Variants in ADGRB3 observed in about 807,000 individuals in gnomAD.
The protein encoded by ADGRB3 is brain-specific angiogenesis inhibitor 3.
Under a neutral mutation model 193.4 loss-of-function variants are expected in ADGRB3, and 37 were observed. The observed-to-expected ratio is 0.19, with a 90% CI of 0.15 to 0.25. The LOEUF (loss-of-function observed/expected upper bound fraction) is 0.25. Ranked by LOEUF, ADGRB3 falls within the 10% of genes least tolerant of loss-of-function variation. The probability of loss-of-function intolerance (pLI) is 1.00; values close to 1 mark genes in which losing one functional copy is unlikely to be tolerated. For missense variants in ADGRB3, 1,637 were observed against 1,852.9 expected, an observed-to-expected ratio of 0.88 and a Z score of 2.14; for synonymous variants, 690 against 644.2, an observed-to-expected ratio of 1.07 and a Z score of -1.08.
At chr6:69,047,486 T>C (rs1448219385) in intron 13 of ADGRB3, among the ~76,000 whole-genome samples, 3 of 151,286 alleles carry the variant, frequency 2.0e-5, no homozygotes, top group Admixed American at 2.0e-4. Flanking sequence ...TTTATTGGTA[T>C]TAAGGACACA....
intron 3 of ADGRB3, among the ~76,000 whole-genome samples, chr6:68,777,425 T>G (rs747690743): frequency 7.2e-5 from 11 of 152,066 alleles, no homozygotes; most frequent in Non-Finnish European, 1.5e-4. Context: ...GCTGTGAATA[T>G]CTCTATACTT....
chr6:68,738,480 C>G (rs1381346573), intron 3 of ADGRB3, among the ~76,000 whole-genome samples: 1 of 152,034 alleles, frequency 6.6e-6, no homozygotes, highest in East Asian at 1.9e-4. Flanking sequence ...GAGGCTATTT[C>G]TATAACCTAG....
At chr6:69,359,790 C>T (rs1449826499) in intron 28 of ADGRB3, among the ~76,000 whole-genome samples, 1 of 151,878 alleles carries the variant, frequency 6.6e-6, no homozygotes, top group East Asian at 1.9e-4. Flanking sequence ...GGTAGGTTAG[C>T]ACCAGATGTG....
intron 17 of ADGRB3, among the ~76,000 whole-genome samples, chr6:69,109,218 A>G (rs1361333198): frequency 1.3e-5 from 2 of 152,186 alleles, no homozygotes; most frequent in African/African-American, 4.8e-5. Flanking sequence ...TTTCTTTTGA[A>G]ATTATAGCTC....
chr6:69,314,610 G>C (rs769722430), intron 20 of ADGRB3, among the ~76,000 whole-genome samples: 8 of 151,544 alleles, frequency 5.3e-5, no homozygotes, highest in Non-Finnish European at 1.2e-4. Flanking sequence ...GATGAACCAA[G>C]AGTTTTCAAG....
chr6:68,936,750 G>A lies in ADGRB3; in HGVS notation c.1030+70G>A, dbSNP rs1188344470. 8 of 1,496,628 alleles carry A rather than the reference G, an allele frequency of 5.3e-6. No homozygotes were observed. The East Asian group carries it at 1.9e-4, about 35-fold the overall frequency. 92.7% of individuals were successfully genotyped at this position (1,496,628 alleles called of 1,614,324 possible). A position where few individuals can be genotyped will look rare whatever the true frequency, so the allele number is the denominator to read the frequency against. ...TCATGCTACGCATTTGGAACGATTT[G>A]TTATTTTCATATGAAACGGGTATAG... On this transcript the variant is annotated intron_variant, in intron 5 of 31. Transcript: ENST00000370598.
At chr6:69,280,854 T>A (rs77394833) in intron 20 of ADGRB3, among the ~76,000 whole-genome samples, 19,389 of 151,494 alleles carry the variant, frequency 0.13, 1,364 homozygotes, top group Middle Eastern at 0.22. Flanking sequence ...TACAAAAAAA[T>A]ATATATATAT....
chr6:69,322,093 T>G (rs1438164918), intron 20 of ADGRB3, among the ~76,000 whole-genome samples: 2 of 151,902 alleles, frequency 1.3e-5, no homozygotes, highest in East Asian at 1.9e-4. Flanking sequence ...CACTTATAAG[T>G]GAAAACATGC....
intron 3 of ADGRB3, among the ~76,000 whole-genome samples, chr6:68,848,490 A>T (rs185500059): frequency 7.8e-4 from 118 of 152,190 alleles, no homozygotes; most frequent in Non-Finnish European, 1.4e-3. Flanking sequence ...GTGAAAAGTC[A>T]TACAAAAAGC....
At chr6:69,325,323 G>A (rs1304597583) in intron 21 of ADGRB3, among the ~76,000 whole-genome samples, 1 of 152,010 alleles carries the variant, frequency 6.6e-6, no homozygotes, top group Non-Finnish European at 1.5e-5. Flanking sequence ...TTTTCTGAAA[G>A]TGCAAAATAC....
intron 17 of ADGRB3, among the ~76,000 whole-genome samples, chr6:69,119,349 G>T (rs536484274): frequency 6.6e-6 from 1 of 152,092 alleles, no homozygotes; most frequent in Non-Finnish European, 1.5e-5. Flanking sequence ...TAGGAGTTTG[G>T]AATACATCAG....
intron 3 of ADGRB3, among the ~76,000 whole-genome samples, chr6:68,842,573 C>G (rs1488399135): frequency 6.6e-6 from 1 of 151,888 alleles, no homozygotes; most frequent in African/African-American, 2.4e-5. Flanking sequence ...TTCATTACTG[C>G]ATTTTACAAA....
intron 3 of ADGRB3, among the ~76,000 whole-genome samples, chr6:68,671,098 A>G (rs1382454302): frequency 6.6e-6 from 1 of 151,988 alleles, no homozygotes; most frequent in African/African-American, 2.4e-5. Flanking sequence ...TAAATTTTGT[A>G]TGTTGATGTT....
chr6:69,267,109 G>A (rs1414649918), intron 20 of ADGRB3, among the ~76,000 whole-genome samples: 2 of 152,056 alleles, frequency 1.3e-5, no homozygotes, highest in Non-Finnish European at 2.9e-5. Flanking sequence ...CTATTTGTCA[G>A]GGCGAGGCTT....
intron 17 of ADGRB3, among the ~76,000 whole-genome samples, chr6:69,107,680 G>T (rs1773252446): frequency 6.6e-6 from 1 of 152,108 alleles, no homozygotes; most frequent in South Asian, 2.1e-4. Context: ...AGAAAATGTG[G>T]TACATATACA....
At chr6:68,994,715 T>G (rs1236822375) in intron 11 of ADGRB3, among the ~76,000 whole-genome samples, 3 of 152,196 alleles carry the variant, frequency 2.0e-5, no homozygotes, top group African/African-American at 7.2e-5. Flanking sequence ...TGAGTTCATT[T>G]CTGCATTTTC....
At chr6:69,276,419 ATAAGTCAT>A (rs1234931210) in intron 20 of ADGRB3, among the ~76,000 whole-genome samples, 1 of 152,220 alleles carries the variant, frequency 6.6e-6, no homozygotes, top group Non-Finnish European at 1.5e-5. Flanking sequence ...CCTCTCAAAT[ATAAGTCAT>A]TCCATATCTG....
chr6:68,777,957 A>G (rs1562025596), intron 3 of ADGRB3, among the ~76,000 whole-genome samples: 1 of 152,106 alleles, frequency 6.6e-6, no homozygotes, highest in Non-Finnish European at 1.5e-5. Flanking sequence ...AAGCTAGAAC[A>G]TCCTTTAAGC....
chr6:69,034,330 T>C (rs1770802345), intron 13 of ADGRB3, among the ~76,000 whole-genome samples: 1 of 151,726 alleles, frequency 6.6e-6, no homozygotes, highest in Non-Finnish European at 1.5e-5. Context: ...ATAACATCTA[T>C]AGTATTTAAA....
Sources: allele counts gnomAD v4.1 joint callset (sites outside exome capture counted in the v4.1 genomes callset), GRCh38; gene constraint gnomAD v4.1.1; transcripts MANE v1.5; gene names NCBI Gene and HGNC (gene_info 2026-07-23, HGNC 2026-07-21).